Variants in DLG2 observed in about 807,000 individuals in gnomAD.
DLG2 encodes disks large homolog 2.
DLG2 carries 45 observed loss-of-function variants against 132.5 expected under a neutral mutation model. That is an observed-to-expected ratio of 0.34 (90% CI 0.27 to 0.44). DLG2 has a LOEUF of 0.44. Among genes scored for constraint, DLG2 ranks in the 20% least tolerant of loss-of-function variants. The pLI, the probability that DLG2 is intolerant of heterozygous loss-of-function variation, is 1.00. For missense variants in DLG2, 1,045 were observed against 1,196.9 expected, an observed-to-expected ratio of 0.87 and a Z score of 1.87; for synonymous variants, 424 against 419.6, an observed-to-expected ratio of 1.01 and a Z score of -0.13.
intron 15 of DLG2, among the ~76,000 whole-genome samples, chr11:83,887,637 A>G (rs2068321864): frequency 6.6e-6 from 1 of 151,966 alleles, no homozygotes; most frequent in South Asian, 2.1e-4. Context: ...CCAGGCAGAG[A>G]CACAAACAAA....
chr11:84,483,450 A>G (rs2099143082), intron 7 of DLG2, among the ~76,000 whole-genome samples: 2 of 15,260 alleles, frequency 1.3e-4, no homozygotes, highest in Admixed American at 1.8e-3. Context: ...AAAAAAAAAA[A>G]TTAAACCCTG....
intron 7 of DLG2, among the ~76,000 whole-genome samples, chr11:84,277,793 T>A (rs868429586): frequency 6.6e-6 from 1 of 152,120 alleles, no homozygotes; most frequent in Non-Finnish European, 1.5e-5. Flanking sequence ...TTGATGACAC[T>A]CTAGCAAGAC....
At chr11:84,827,768 G>A (rs2078525571) in intron 6 of DLG2, among the ~76,000 whole-genome samples, 2 of 148,044 alleles carry the variant, frequency 1.4e-5, no homozygotes, top group Non-Finnish European at 3.0e-5. Flanking sequence ...CTATTCACTG[G>A]TGGTCATAAA....
At chr11:84,931,829 T>C (rs557078505) in intron 6 of DLG2, among the ~76,000 whole-genome samples, 2 of 152,350 alleles carry the variant, frequency 1.3e-5, no homozygotes, top group African/African-American at 4.8e-5. Context: ...TGTGAGATGG[T>C]ATCTCTTTGT....
At chr11:85,587,493 G>C (rs2079045049) in intron 3 of DLG2, among the ~76,000 whole-genome samples, 1 of 152,070 alleles carries the variant, frequency 6.6e-6, no homozygotes, top group South Asian at 2.1e-4. Context: ...TTTAAAGTCT[G>C]TTTTGTCTGA....
At chr11:84,759,253 A>G (rs940778219) in intron 6 of DLG2, among the ~76,000 whole-genome samples, 1 of 152,184 alleles carries the variant, frequency 6.6e-6, no homozygotes, top group Non-Finnish European at 1.5e-5. Context: ...AGATGTGAAT[A>G]AAATTCTCAT....
chr11:84,280,871 T>A (rs1412555716), intron 7 of DLG2, among the ~76,000 whole-genome samples: 1 of 136,504 alleles, frequency 7.3e-6, no homozygotes, highest in Non-Finnish European at 1.6e-5. Context: ...CAGCCAATTT[T>A]TTTTTTTTTT....
chr11:83,640,361 C>A (rs930203261), intron 18 of DLG2, among the ~76,000 whole-genome samples: 6 of 152,056 alleles, frequency 3.9e-5, no homozygotes, highest in Non-Finnish European at 7.4e-5. Context: ...TTGGGGGTCA[C>A]AATATTGTTT....
chr11:84,600,151 AGAAAGAAG>A (rs1239848370), intron 6 of DLG2, among the ~76,000 whole-genome samples: 1 of 109,922 alleles, frequency 9.1e-6, no homozygotes, highest in Non-Finnish European at 1.9e-5. Context: ...AAGGAAAGAA[AGAAAGAAG>A]GAAAGAAAGA....
chr11:84,904,337 G>A (rs933068374), intron 6 of DLG2, among the ~76,000 whole-genome samples: 1 of 151,988 alleles, frequency 6.6e-6, no homozygotes, highest in Non-Finnish European at 1.5e-5. Flanking sequence ...CCCTTTGTTT[G>A]TGTAATTACA....
intron 6 of DLG2, chr11:84,955,511 A>G (rs2051532336): frequency 6.6e-6 from 1 of 152,158 alleles, no homozygotes; most frequent in South Asian, 2.1e-4. Context: ...AGGATTTTAG[A>G]CTTCATGCAA....
chr11:85,418,298 G>A (rs918308843), intron 3 of DLG2, among the ~76,000 whole-genome samples: 2 of 152,162 alleles, frequency 1.3e-5, no homozygotes, highest in Non-Finnish European at 2.9e-5. Context: ...TTGCACTGTG[G>A]TCTGAGAGAC....
intron 17 of DLG2, among the ~76,000 whole-genome samples, chr11:83,818,196 A>G (rs565469602): frequency 6.6e-6 from 1 of 152,284 alleles, no homozygotes; most frequent in South Asian, 2.1e-4. Context: ...CCGTTTATTC[A>G]GAGGCCAAAT....
intron 21 of DLG2, among the ~76,000 whole-genome samples, chr11:83,513,932 C>A (rs1272751150): frequency 1.3e-5 from 2 of 152,264 alleles, no homozygotes; most frequent in East Asian, 1.9e-4. Context: ...GTTACTGTAG[C>A]CTTGTAGTAT....
chr11:83,683,419 A>C (rs1359492214), intron 18 of DLG2, among the ~76,000 whole-genome samples: 1 of 152,216 alleles, frequency 6.6e-6, no homozygotes, highest in Non-Finnish European at 1.5e-5. Context: ...TTCAAAGCCC[A>C]GACTCATATA....
rs1047115635 is a variant in DLG2 at position 84,073,815 on chromosome 11, T to C, written c.750-14331A>G. 2.6e-5 allele frequency among the ~76,000 whole-genome samples: 4 copies of C among 152,228 alleles called. 1 individual carries two copies. The highest frequency in any genetic ancestry group is 2.6e-4 in the Admixed American group (4 of 15,282). Reference sequence around the variant, plus strand: ...TAATGTTGCTTCTTATTTTGAACTGTTCTTCATTTACCATGACTATAACAG... The same window carrying C: ...TAATGTTGCTTCTTATTTTGAACTGCTCTTCATTTACCATGACTATAACAG... On this transcript the variant is annotated intron_variant, in intron 10 of 27. Coordinates refer to ENST00000376104, the MANE Select transcript of DLG2 (RefSeq NM_001142699.3).
intron 17 of DLG2, among the ~76,000 whole-genome samples, chr11:83,810,983 G>A (rs1282415518): frequency 1.3e-5 from 2 of 152,002 alleles, no homozygotes; most frequent in Non-Finnish European, 2.9e-5. Flanking sequence ...AAGTCCTGAC[G>A]CTAACTGGTA....
chr11:84,174,847 C>A (rs1239243977), intron 8 of DLG2, among the ~76,000 whole-genome samples: 1 of 152,176 alleles, frequency 6.6e-6, no homozygotes, highest in African/African-American at 2.4e-5. Context: ...GCTACTATTG[C>A]TACTACTGGA....
At chr11:84,039,162 A>C (rs1331068142) in intron 11 of DLG2, among the ~76,000 whole-genome samples, 1 of 151,946 alleles carries the variant, frequency 6.6e-6, no homozygotes, top group Non-Finnish European at 1.5e-5. Context: ...CAGTACTTTA[A>C]GTGCATTCAT....
Sources: gnomAD v4.1 joint callset for allele counts (sites outside exome capture counted in the v4.1 genomes callset) on GRCh38, gnomAD v4.1.1 for gene constraint, MANE v1.5 for transcripts, NCBI Gene and HGNC (gene_info 2026-07-23, HGNC 2026-07-21) for gene names.